The following FOXJ3 variants were observed in gnomAD, a reference collection of about 807,000 sequenced individuals.
FOXJ3 encodes the protein forkhead box protein J3.
FOXJ3 carries 22 observed loss-of-function variants against 76.1 expected under a neutral mutation model. The observed-to-expected ratio is 0.29, with a 90% CI of 0.21 to 0.41. The LOEUF (loss-of-function observed/expected upper bound fraction) is 0.41, where lower values mean the gene tolerates loss of function less well. Ranked by LOEUF, FOXJ3 falls within the 10% of genes least tolerant of loss-of-function variation. FOXJ3 has a pLI of 1.00. For synonymous variants in FOXJ3, 269 were observed against 261.2 expected, an observed-to-expected ratio of 1.03 and a Z score of -0.29; for missense variants, 613 against 762.1, an observed-to-expected ratio of 0.80 and a Z score of 2.30.
intron 2 of FOXJ3, among the ~76,000 whole-genome samples, chr1:42,282,361 G>A (rs1196451054): frequency 6.6e-6 from 1 of 152,054 alleles, no homozygotes; most frequent in Non-Finnish European, 1.5e-5. Flanking sequence ...ATGTCATTAT[G>A]CCTAAACACT....
intron 4 of FOXJ3, among the ~76,000 whole-genome samples, chr1:42,252,442 T>C (rs537391685): frequency 5.9e-5 from 9 of 152,302 alleles, no homozygotes; most frequent in East Asian, 3.9e-4. Context: ...TGATGGTAGT[T>C]TGTATTTCTG....
intron 4 of FOXJ3, among the ~76,000 whole-genome samples, chr1:42,251,951 T>G (rs1402492747): frequency 1.3e-5 from 2 of 152,062 alleles, no homozygotes; most frequent in African/African-American, 2.4e-5. Flanking sequence ...TCTCCTGACC[T>G]CGTGATCCGC....
chr1:42,248,758 A>G lies in FOXJ3; in HGVS notation c.444+16357T>C, dbSNP rs1553162594. Among the ~76,000 whole-genome samples the G allele has an allele frequency of 3.5e-5, 3 of 86,802 alleles. No individual in the cohort carries two copies. The Admixed American group carries it at 4.7e-4, about 14-fold the overall frequency. 56.9% of individuals were successfully genotyped at this position (86,802 alleles called of 152,430 possible). ...TTTTTTTTTTTTTTTTTTTTTTTTAAGTTCCAGGATACAAGTGCAGAACGT... is the reference window on the plus strand; with the variant it reads ...TTTTTTTTTTTTTTTTTTTTTTTTAGGTTCCAGGATACAAGTGCAGAACGT... On this transcript the variant is annotated intron_variant, in intron 4 of 12. Transcript: ENST00000361346.
At chr1:42,195,236 G>C (rs1646629331) in intron 7 of FOXJ3, among the ~76,000 whole-genome samples, 172 bp from the exon 8 acceptor site, 1 of 152,180 alleles carries the variant, frequency 6.6e-6, no homozygotes, top group African/African-American at 2.4e-5. Flanking sequence ...AAGCAAAACA[G>C]CTAAACTGAA....
At chr1:42,328,409 CTAAGTT>C (rs977123691) in intron 1 of FOXJ3, among the ~76,000 whole-genome samples, 1 of 152,196 alleles carries the variant, frequency 6.6e-6, no homozygotes, top group Non-Finnish European at 1.5e-5. Context: ...TTATTGCACT[CTAAGTT>C]TGAGTCCCAC....
chr1:42,257,904 A>C (rs1277343713), intron 4 of FOXJ3, among the ~76,000 whole-genome samples: 2 of 152,236 alleles, frequency 1.3e-5, no homozygotes, highest in Non-Finnish European at 2.9e-5. Flanking sequence ...ATTTTATGTC[A>C]ACACAAAGTA....
At chr1:42,313,097 G>A (rs1654907131) in intron 1 of FOXJ3, among the ~76,000 whole-genome samples, 1 of 152,130 alleles carries the variant, frequency 6.6e-6, no homozygotes, top group Non-Finnish European at 1.5e-5. Flanking sequence ...CACTTTGGGA[G>A]GCCGAGGCGG....
intron 4 of FOXJ3, among the ~76,000 whole-genome samples, chr1:42,244,909 C>T (rs942684744): frequency 4.6e-5 from 7 of 152,072 alleles, no homozygotes; most frequent in African/African-American, 7.2e-5. Flanking sequence ...TGGCCAGGCG[C>T]GGTGGCTCAC....
At chr1:42,261,265 G>A (rs1271845167) in intron 4 of FOXJ3, among the ~76,000 whole-genome samples, 2 of 151,446 alleles carry the variant, frequency 1.3e-5, no homozygotes, top group African/African-American at 2.4e-5. Context: ...GACAAAAGAC[G>A]GGATTTAAAA....
At chr1:42,318,298 T>C (rs569851296) in intron 1 of FOXJ3, among the ~76,000 whole-genome samples, 1 of 152,322 alleles carries the variant, frequency 6.6e-6, no homozygotes, top group Admixed American at 6.5e-5. Context: ...GAATGTCCAA[T>C]AAATACATGA....
At chr1:42,302,482 G>A (rs1654213544) in intron 2 of FOXJ3, among the ~76,000 whole-genome samples, 2 of 152,228 alleles carry the variant, frequency 1.3e-5, no homozygotes, top group African/African-American at 4.8e-5. Context: ...CCCAATAGCA[G>A]GGCACAAGCA....
At chr1:42,247,203 G>C (rs891892475) in intron 4 of FOXJ3, among the ~76,000 whole-genome samples, 1 of 151,970 alleles carries the variant, frequency 6.6e-6, no homozygotes, top group Non-Finnish European at 1.5e-5. Flanking sequence ...AAATACTTAA[G>C]GTGATATATT....
rs1557725916 is a variant in FOXJ3, at chr1:42,324,104, G to GTA, written c.-18+10953_-18+10954dup. On this transcript the variant is annotated intron_variant, in intron 1 of 12. Transcript: ENST00000361346. ...AGTATATATACTGTATATATACTGT[G>GTA]TATATACACTGTATATACACAGTGT... Among the ~76,000 whole-genome samples the GTA allele has an allele frequency of 1.9e-3, 165 of 88,942 alleles. 3 individuals are homozygous for GTA. Among genetic ancestry groups the GTA allele is most frequent in the African/African-American group, 5.4e-3 (106 of 19,728 alleles). The allele number at this position is 88,942 out of a possible 152,430, so 58.3% of individuals were successfully genotyped here.
chr1:42,254,628 T>C (rs1207833865), intron 4 of FOXJ3, among the ~76,000 whole-genome samples: 2 of 147,590 alleles, frequency 1.4e-5, no homozygotes, highest in Non-Finnish European at 3.0e-5. Flanking sequence ...TGGAATACTA[T>C]GCAGCCATAA....
At chr1:42,320,840 T>TA (rs1369834084) in intron 1 of FOXJ3, among the ~76,000 whole-genome samples, 1 of 152,184 alleles carries the variant, frequency 6.6e-6, no homozygotes, top group African/African-American at 2.4e-5. Context: ...GCTTTAAATT[T>TA]GAGCTCAGTT....
chr1:42,271,422 T>TCC (rs1165261686), intron 3 of FOXJ3, among the ~76,000 whole-genome samples: 1 of 152,078 alleles, frequency 6.6e-6, no homozygotes, highest in Non-Finnish European at 1.5e-5. Context: ...CTCCCAACTA[T>TCC]CCCCTAGGGG....
intron 4 of FOXJ3, among the ~76,000 whole-genome samples, chr1:42,236,491 A>C (rs1557662295): frequency 6.6e-6 from 1 of 152,190 alleles, no homozygotes; most frequent in African/African-American, 2.4e-5. Flanking sequence ...CATCACACTC[A>C]ATCTAGTTTT....
At chr1:42,231,496 TTTAA>T (rs991217245) in intron 4 of FOXJ3, among the ~76,000 whole-genome samples, 1 of 152,138 alleles carries the variant, frequency 6.6e-6, no homozygotes, top group Non-Finnish European at 1.5e-5. Flanking sequence ...GTACTTATTG[TTTAA>T]TGAGTGAAGA....
At chr1:42,308,360 T>C (rs1654593172) in intron 2 of FOXJ3, among the ~76,000 whole-genome samples, 1 of 152,228 alleles carries the variant, frequency 6.6e-6, no homozygotes, top group Non-Finnish European at 1.5e-5. Context: ...GGGAAGACTC[T>C]ATGGGAAAGT....
Sources: gnomAD v4.1 joint callset for allele counts (sites outside exome capture counted in the v4.1 genomes callset) on GRCh38, gnomAD v4.1.1 for gene constraint, MANE v1.5 for transcripts, NCBI Gene and HGNC (gene_info 2026-07-23, HGNC 2026-07-21) for gene names.